Variants in GAREM1 observed in about 807,000 individuals in gnomAD.
GAREM1 encodes GRB2-associated and regulator of MAPK protein 1.
A neutral mutation model predicts 71.3 loss-of-function variants in GAREM1; 26 were observed. The ratio of observed to expected loss-of-function variants is 0.36; its 90% confidence interval spans 0.27 to 0.51. The LOEUF (loss-of-function observed/expected upper bound fraction) is 0.51, where lower values mean the gene tolerates loss of function less well. Among genes scored for constraint, GAREM1 ranks in the 20% least tolerant of loss-of-function variants. GAREM1 has a pLI of 0.95. For missense variants in GAREM1, 1,026 were observed against 1,103.1 expected (o/e 0.93, Z 0.99); for synonymous variants, 440 against 433.2 (o/e 1.02, Z -0.20).
chr18:32,396,774 G>A (rs1275862433), intron 1 of GAREM1, among the ~76,000 whole-genome samples: 5 of 152,140 alleles, frequency 3.3e-5, no homozygotes, highest in East Asian at 1.9e-4. Context: ...TAGCAAGGCC[G>A]GCCAACATTC....
intron 3 of GAREM1, among the ~76,000 whole-genome samples, chr18:32,300,432 G>C (rs1283454081): frequency 6.6e-6 from 1 of 152,194 alleles, no homozygotes; most frequent in Non-Finnish European, 1.5e-5. Context: ...CTACTAGCTT[G>C]TATTATTTTA....
chr18:32,309,533 A>G (rs1331346418), intron 3 of GAREM1, among the ~76,000 whole-genome samples: 1 of 147,256 alleles, frequency 6.8e-6, no homozygotes, highest in Non-Finnish European at 1.5e-5. Context: ...GGAGAATGGC[A>G]TGAACCAGGG....
chr18:32,377,340 C>T (rs535378147), intron 2 of GAREM1, among the ~76,000 whole-genome samples: 19 of 152,286 alleles, frequency 1.2e-4, no homozygotes, highest in African/African-American at 2.6e-4. Flanking sequence ...TCACAGAGAA[C>T]GTGTTCCAAG....
At chr18:32,413,790 C>T (rs754919892) in intron 1 of GAREM1, among the ~76,000 whole-genome samples, 6 of 152,024 alleles carry the variant, frequency 3.9e-5, no homozygotes, top group Non-Finnish European at 7.4e-5. Context: ...CCCACCAAAA[C>T]AAACCCCAGG....
chr18:32,378,407 C>T (rs113889489), intron 2 of GAREM1, among the ~76,000 whole-genome samples: 109 of 150,180 alleles, frequency 7.3e-4, no homozygotes, highest in African/African-American at 2.4e-3. Context: ...GGCTGAGGCA[C>T]GAGAATCTCT....
chr18:32,299,524 A>G (rs1391980669), intron 3 of GAREM1, among the ~76,000 whole-genome samples: 1 of 151,552 alleles, frequency 6.6e-6, no homozygotes, highest in African/African-American at 2.4e-5. Context: ...AAAAAAAAAA[A>G]AAAAAAAAAA....
intron 1 of GAREM1, among the ~76,000 whole-genome samples, chr18:32,454,024 C>T (rs963532011): frequency 2.0e-5 from 3 of 151,824 alleles, no homozygotes; most frequent in Non-Finnish European, 2.9e-5. Context: ...AGTTGGAAAA[C>T]GTAATATGAG....
At chr18:32,330,754 G>A (rs2047525415) in intron 2 of GAREM1, among the ~76,000 whole-genome samples, 1 of 152,096 alleles carries the variant, frequency 6.6e-6, no homozygotes, top group Admixed American at 6.6e-5. Context: ...TCTTCCCCAC[G>A]CTTTTATTTC....
chr18:32,274,253 T>A (rs1405483022), intron 4 of GAREM1, among the ~76,000 whole-genome samples: 1 of 152,166 alleles, frequency 6.6e-6, no homozygotes, highest in African/African-American at 2.4e-5. Flanking sequence ...TTAGTTCCTA[T>A]CTCTTACTCT....
intron 4 of GAREM1, among the ~76,000 whole-genome samples, chr18:32,278,268 G>A (rs550602861): frequency 2.0e-5 from 3 of 152,286 alleles, no homozygotes; most frequent in Admixed American, 1.3e-4. Flanking sequence ...TCTGCTGACA[G>A]GGCCATGTAT....
At chr18:32,300,399 G>A (rs2047187285) in intron 3 of GAREM1, among the ~76,000 whole-genome samples, 1 of 152,184 alleles carries the variant, frequency 6.6e-6, no homozygotes. Flanking sequence ...AAAAAACCCT[G>A]AAGAATACTA....
At chr18:32,337,352 G>A (rs1294250694) in intron 2 of GAREM1, among the ~76,000 whole-genome samples, 1 of 152,196 alleles carries the variant, frequency 6.6e-6, no homozygotes, top group African/African-American at 2.4e-5. Context: ...ACTATCTGAT[G>A]AAGCCAGGAC....
intron 4 of GAREM1, among the ~76,000 whole-genome samples, chr18:32,276,987 G>A (rs2041551786): frequency 6.6e-6 from 1 of 152,172 alleles, no homozygotes; most frequent in African/African-American, 2.4e-5. Flanking sequence ...AGAGCTGCAG[G>A]GGAACAACAG....
intron 1 of GAREM1, among the ~76,000 whole-genome samples, chr18:32,424,640 T>C (rs1039675514): frequency 6.6e-6 from 1 of 152,186 alleles, no homozygotes; most frequent in Non-Finnish European, 1.5e-5. Flanking sequence ...CTGTATATAT[T>C]TGGAACCAGA....
intron 2 of GAREM1, among the ~76,000 whole-genome samples, chr18:32,370,826 C>T (rs2047971037): frequency 6.6e-6 from 1 of 152,046 alleles, no homozygotes; most frequent in Non-Finnish European, 1.5e-5. Context: ...TATGTTCAAA[C>T]TACCTGCTGT....
intron 2 of GAREM1, among the ~76,000 whole-genome samples, chr18:32,320,177 T>C (rs191022507): frequency 3.2e-4 from 49 of 152,338 alleles, no homozygotes; most frequent in African/African-American, 1.1e-3. Context: ...AAAATTATCA[T>C]TGCCAGTCCA....
intron 2 of GAREM1, among the ~76,000 whole-genome samples, chr18:32,315,424 TAAAGTATATATAA>T (rs2047366196): frequency 6.8e-6 from 1 of 146,800 alleles, no homozygotes; most frequent in African/African-American, 2.5e-5. Flanking sequence ...TAAATATATA[TAAAGTATATATAA>T]AAAAATATAT....
At chr18:32,362,107 C>G (rs1353999306) in intron 2 of GAREM1, among the ~76,000 whole-genome samples, 1 of 152,130 alleles carries the variant, frequency 6.6e-6, no homozygotes, top group Non-Finnish European at 1.5e-5. Flanking sequence ...ATGGAAATCC[C>G]CAATTTGTGG....
chr18:32,315,977 C>G (rs969553362), intron 2 of GAREM1, among the ~76,000 whole-genome samples: 1 of 152,072 alleles, frequency 6.6e-6, no homozygotes, highest in Non-Finnish European at 1.5e-5. Context: ...TTTTCTATTG[C>G]GTCTGTGATC....
Sources: allele counts gnomAD v4.1 joint callset (sites outside exome capture counted in the v4.1 genomes callset), GRCh38; gene constraint gnomAD v4.1.1; transcripts MANE v1.5; gene names NCBI Gene and HGNC (gene_info 2026-07-23, HGNC 2026-07-21).